The following DNAH6 variants were observed in gnomAD, a reference collection of about 807,000 sequenced individuals.
DNAH6 encodes the protein axonemal beta dynein heavy chain 6.
DNAH6 carries 340 observed loss-of-function variants against 491.4 expected under a neutral mutation model. The observed-to-expected ratio is 0.69, with a 90% CI of 0.63 to 0.76. The LOEUF (loss-of-function observed/expected upper bound fraction) is 0.76. DNAH6 is among the 30% of genes least tolerant of loss of function. The pLI is 0.00. For synonymous variants in DNAH6, 1,603 were observed against 1,686.1 expected (o/e 0.95, Z 1.21); for missense variants, 4,443 against 4,972.2 (o/e 0.89, Z 3.20).
chr2:84,469,618 C>G, the DNAH6 span, among the ~76,000 whole-genome samples: 2 of 152,180 alleles, frequency 1.3e-5, no homozygotes, highest in East Asian at 3.9e-4. This position sits in a 1 kb window ranked among gnomAD's most constrained non-coding sequence, Gnocchi z 4.0. Context: ...AAAAGACCCC[C>G]TCATTGCAGC....
At chr2:84,723,983 T>C (rs1573610752) in intron 60 of DNAH6, among the ~76,000 whole-genome samples, 1 of 152,304 alleles carries the variant, frequency 6.6e-6, no homozygotes, top group East Asian at 1.9e-4. Flanking sequence ...CATCAGAGGT[T>C]CTCTCAGGTG....
At chr2:84,465,172 T>C in the DNAH6 span, among the ~76,000 whole-genome samples, 39 of 152,280 alleles carry the variant, frequency 2.6e-4, no homozygotes, top group Non-Finnish European at 2.9e-5. Context: ...CAAAAAGTGA[T>C]ATCTGGAAGA....
Position 84,813,978 on chromosome 2 carries a change from T to C in DNAH6, c.12006T>C (p.Leu4002=). ...CGATTTTCACAATTACAGGAACTCT[T>C]CAAAATCATGCTCGAAAATACAATT... is the stretch of plus-strand genomic sequence containing the variant. ...FFPQGFLTGT[L]QNHARKYNLP... is the part of the protein sequence containing the mutation. The change falls in exon 75 of 77, where the codon CTT becomes CTC. Residue 4002 remains leucine (L), a synonymous_variant. Transcript: ENST00000389394. 1 of 1,551,710 alleles carries C rather than the reference T, an allele frequency of 6.4e-7. No homozygotes were observed. Among genetic ancestry groups the C allele is most frequent in the Non-Finnish European group, 8.7e-7 (1 of 1,146,966 alleles).
chr2:84,649,728 G>C (rs1276359471), intron 33 of DNAH6, among the ~76,000 whole-genome samples: 1 of 151,978 alleles, frequency 6.6e-6, no homozygotes, highest in African/African-American at 2.4e-5. Context: ...ATGAGATCAT[G>C]TTCCTTTTCA....
At chr2:84,666,132 C>T (rs1692100127) in intron 37 of DNAH6, among the ~76,000 whole-genome samples, 1 of 152,228 alleles carries the variant, frequency 6.6e-6, no homozygotes, top group East Asian at 1.9e-4. Context: ...ATGACAAACC[C>T]ACAGCCAATA....
At chr2:84,605,051 G>T (rs1471564399) in intron 19 of DNAH6, among the ~76,000 whole-genome samples, 1 of 152,046 alleles carries the variant, frequency 6.6e-6, no homozygotes, top group Non-Finnish European at 1.5e-5. Flanking sequence ...AAGATTTTAA[G>T]AATTTTAAAG....
upstream of DNAH6, among the ~76,000 whole-genome samples, chr2:84,511,543 T>C (rs577543482): frequency 2.0e-4 from 30 of 152,258 alleles, no homozygotes; most frequent in African/African-American, 6.7e-4. Context: ...TGCCTCGCCC[T>C]GCTTCGGCTC....
chr2:84,461,204 G>T, the DNAH6 span, among the ~76,000 whole-genome samples: 6 of 152,302 alleles, frequency 3.9e-5, no homozygotes, highest in African/African-American at 7.2e-5. Flanking sequence ...TATGTCTTTA[G>T]ATAAATGCAC....
intron 4 of DNAH6, among the ~76,000 whole-genome samples, chr2:84,529,542 G>A (rs1314551785): frequency 4.0e-5 from 2 of 49,796 alleles, no homozygotes; most frequent in Admixed American, 5.3e-4. Flanking sequence ...GCTTTATAGA[G>A]TAGAAATAAG....
the DNAH6 span, among the ~76,000 whole-genome samples, chr2:84,460,789 G>A: frequency 6.6e-6 from 1 of 152,160 alleles, no homozygotes; most frequent in Non-Finnish European, 1.5e-5. Context: ...TCTCACTAAC[G>A]CAGGCCTCCA....
chr2:84,812,486 C>T lies in DNAH6; in HGVS notation c.11885C>T (p.Ser3962Leu). Reference protein sequence around the residue: ...TAYPSLKPLGSWVKDLILRTS... With the variant: ...TAYPSLKPLGLWVKDLILRTS... ...TACCCATCCCTGAAGCCACTAGGAT[C>T]ATGGGTCAAAGACCTTATCCTGAGG... Residue 3962 changes from serine (S) to leucine (L), a missense_variant, in exon 73 of 77, where the codon TCA becomes TTA. Around this residue, in one of 3 missense-constraint regions of DNAH6, gnomAD observed 1,463 missense variants for 1,656.6 expected, o/e 0.88. Coordinates refer to ENST00000389394, the MANE Select transcript of DNAH6 (RefSeq NM_001370.2). 1 of 1,551,720 alleles carries T rather than the reference C, an allele frequency of 6.4e-7. No individual in the cohort carries two copies.
intron 31 of DNAH6, among the ~76,000 whole-genome samples, chr2:84,639,568 G>A (rs74943688): frequency 6.6e-6 from 1 of 151,906 alleles, no homozygotes; most frequent in Non-Finnish European, 1.5e-5. Flanking sequence ...ACAGGCTCCT[G>A]CCACCATGCC....
At chr2:84,559,921 T>C (rs1680471320) in intron 11 of DNAH6, among the ~76,000 whole-genome samples, 1 of 151,908 alleles carries the variant, frequency 6.6e-6, no homozygotes, top group African/African-American at 2.4e-5. Context: ...AACACTACTA[T>C]AGAAGAATGA....
chr2:84,665,214 C>G (rs1407978229), intron 37 of DNAH6, among the ~76,000 whole-genome samples: 1 of 152,074 alleles, frequency 6.6e-6, no homozygotes, highest in African/African-American at 2.4e-5. Context: ...CAAACACATT[C>G]AAAAGCTAGC....
At chr2:84,531,264 C>A (rs1179794832) in intron 4 of DNAH6, among the ~76,000 whole-genome samples, 2 of 152,040 alleles carry the variant, frequency 1.3e-5, no homozygotes, top group East Asian at 3.9e-4. Flanking sequence ...TTGCCATTAG[C>A]AGTTCCCAGC....
At chr2:84,753,565 C>T (rs1310293017) in intron 63 of DNAH6, among the ~76,000 whole-genome samples, 1 of 151,802 alleles carries the variant, frequency 6.6e-6, no homozygotes, top group Non-Finnish European at 1.5e-5. Flanking sequence ...CGAGACCAGC[C>T]TGACCAACAT....
At chr2:84,685,299 T>C (rs768673977) in intron 42 of DNAH6, 27 bp from the exon 43 acceptor site, 7 of 1,420,994 alleles carry the variant, frequency 4.9e-6, no homozygotes, top group Non-Finnish European at 1.9e-6. Context: ...AATTTTTCTT[T>C]TTTTTTTTCC....
intron 4 of DNAH6, among the ~76,000 whole-genome samples, chr2:84,530,086 CTG>C (rs944162902): frequency 2.6e-4 from 39 of 152,294 alleles, no homozygotes; most frequent in African/African-American, 9.4e-4. Context: ...AGCATGATCT[CTG>C]TAGCAGGAAC....
At chr2:84,570,067 A>G (rs1681618573) in intron 11 of DNAH6, among the ~76,000 whole-genome samples, 1 of 152,058 alleles carries the variant, frequency 6.6e-6, no homozygotes, top group Non-Finnish European at 1.5e-5. Context: ...ATCATTCCCA[A>G]TTGAAAGGAA....
Sources: gnomAD v4.1 joint callset for allele counts (sites outside exome capture counted in the v4.1 genomes callset) on GRCh38, gnomAD v4.1.1 for gene constraint, gnomAD v4.1.1 regional missense constraint, Gnocchi (gnomAD v3.1) non-coding constraint, MANE v1.5 for transcripts, NCBI Gene and HGNC (gene_info 2026-07-23, HGNC 2026-07-21) for gene names.